Variants in NELL1 observed in about 807,000 individuals in gnomAD.
NELL1 encodes protein kinase C-binding protein NELL1.
In NELL1, 76 loss-of-function variants were observed where a neutral mutation model predicts 107.4. The ratio of observed to expected loss-of-function variants is 0.71; its 90% CI spans 0.59 to 0.86. The LOEUF (loss-of-function observed/expected upper bound fraction) is 0.86. NELL1 is among the 40% of genes least tolerant of loss of function. The pLI, the probability that NELL1 is intolerant of heterozygous loss-of-function variation, is 0.00. For synonymous variants in NELL1, 353 were observed against 341.2 expected (o/e 1.03, Z -0.38); for missense variants, 1,024 against 1,005.5 (o/e 1.02, Z -0.25).
chr11:21,316,236 A>G (rs1267719948), intron 14 of NELL1, among the ~76,000 whole-genome samples: 1 of 152,172 alleles, frequency 6.6e-6, no homozygotes, highest in Admixed American at 6.6e-5. Context: ...AAAATTTATA[A>G]CATGAAAACA....
chr11:21,530,157 T>G (rs2133966300), intron 15 of NELL1, among the ~76,000 whole-genome samples: 1 of 152,226 alleles, frequency 6.6e-6, no homozygotes, highest in African/African-American at 2.4e-5. Flanking sequence ...ATATCAAAGT[T>G]TTTCTCATGA....
In NELL1 at chr11:21,480,016, T is replaced by C. The variant is rs560436946; in HGVS notation, c.1646-54358T>C. Reference sequence around the variant, plus strand: ...CTTTCCCTGACTAGTAGTCTTCTTATCAAGCTCTCTTTCTCTTGCTCAGAA... The same window carrying C: ...CTTTCCCTGACTAGTAGTCTTCTTACCAAGCTCTCTTTCTCTTGCTCAGAA... On this transcript the variant is annotated intron_variant, in intron 15 of 19. Transcript: ENST00000357134. Among the ~76,000 whole-genome samples, 77 of 152,306 alleles carry C rather than the reference T, an allele frequency of 5.1e-4. 2 individuals are homozygous for C. In the South Asian group the frequency reaches 0.015, roughly 29 times the overall value.
intron 12 of NELL1, among the ~76,000 whole-genome samples, chr11:21,054,941 T>C (rs945777453): frequency 4.6e-5 from 7 of 152,066 alleles, no homozygotes; most frequent in Non-Finnish European, 7.4e-5. Context: ...CTTTCCTTGC[T>C]TTTATAATTT....
At chr11:20,823,472 A>G (rs1857805307) in intron 3 of NELL1, among the ~76,000 whole-genome samples, 1 of 151,254 alleles carries the variant, frequency 6.6e-6, no homozygotes, top group Non-Finnish European at 1.5e-5. Context: ...CAGCAGTAGG[A>G]CTGCAGGGAG....
intron 2 of NELL1, among the ~76,000 whole-genome samples, chr11:20,692,527 C>T: frequency 6.6e-6 from 1 of 150,606 alleles, no homozygotes; most frequent in African/African-American, 2.5e-5. Context: ...TTATTTCTGC[C>T]TTCATTTCCT....
At chr11:21,067,890 G>A (rs1045254370) in intron 12 of NELL1, among the ~76,000 whole-genome samples, 7 of 151,628 alleles carry the variant, frequency 4.6e-5, no homozygotes, top group South Asian at 2.1e-4. Context: ...AAAATTAGCC[G>A]GGTGTGGTGG....
At chr11:21,172,630 A>G (rs932862460) in intron 13 of NELL1, among the ~76,000 whole-genome samples, 1 of 151,652 alleles carries the variant, frequency 6.6e-6, no homozygotes, top group Admixed American at 6.6e-5. Flanking sequence ...GCTATTTTTA[A>G]TTATTTTTTT....
chr11:21,545,028 G>A (rs992891734), intron 16 of NELL1, among the ~76,000 whole-genome samples: 1 of 151,806 alleles, frequency 6.6e-6, no homozygotes, highest in Admixed American at 6.6e-5. Context: ...TTAAAATGTG[G>A]TCACTAAAAA....
At chr11:21,315,453 A>ATGGACAGAACTTGGTGAAAGAT (rs1270828301) in intron 14 of NELL1, among the ~76,000 whole-genome samples, 3 of 152,176 alleles carry the variant, frequency 2.0e-5, no homozygotes, top group African/African-American at 7.2e-5. Flanking sequence ...AGGTTAAAGA[A>ATGGACAGAACTTGGTGAAAGAT]TGGACAGAAC....
chr11:21,133,871 G>C (rs774491317), intron 13 of NELL1, among the ~76,000 whole-genome samples: 1 of 152,162 alleles, frequency 6.6e-6, no homozygotes, highest in Non-Finnish European at 1.5e-5. Flanking sequence ...GCACCTGGAG[G>C]GTGGGGCTCC....
chr11:20,767,178 C>T (rs534301535), intron 2 of NELL1, among the ~76,000 whole-genome samples: 6 of 152,280 alleles, frequency 3.9e-5, no homozygotes, highest in East Asian at 3.9e-4. Flanking sequence ...TGCGGACCTT[C>T]GCGGTGAGTG....
At chr11:20,872,248 A>T (rs1169798390) in intron 4 of NELL1, among the ~76,000 whole-genome samples, 1 of 144,754 alleles carries the variant, frequency 6.9e-6, no homozygotes, top group Non-Finnish European at 1.5e-5. Context: ...ATCTGGGCTC[A>T]CTGTAGCCTC....
At chr11:21,236,393 G>T (rs922806941) in intron 14 of NELL1, among the ~76,000 whole-genome samples, 2 of 147,100 alleles carry the variant, frequency 1.4e-5, no homozygotes, top group Non-Finnish European at 3.0e-5. Flanking sequence ...CTTGTAGCTT[G>T]GTGTATTAAT....
rs1564969874 is a variant in NELL1 at position 21,575,438 on chromosome 11, T to C, written c.*416T>C. 1 of 171,280 alleles carries C rather than the reference T, an allele frequency of 5.8e-6. No individual in the cohort carries two copies. The highest frequency in any genetic ancestry group is 1.3e-5 in the Non-Finnish European group (1 of 79,076). The allele number at this position is 171,280 out of a possible 1,614,324, so 10.6% of individuals were successfully genotyped here. A position where few individuals can be genotyped will look rare whatever the true frequency, so the allele number is the denominator to read the frequency against. Reference sequence around the variant, plus strand: ...TTGATTTATGGATCAAATTCTAAAATAAAGTTGCCTGTTGTGACTTTTGTC... The same window carrying C: ...TTGATTTATGGATCAAATTCTAAAACAAAGTTGCCTGTTGTGACTTTTGTC... On this transcript the variant is annotated 3_prime_UTR_variant, in exon 20 of 20. Transcript: ENST00000357134.
chr11:21,269,467 T>C (rs1016136051), intron 14 of NELL1, among the ~76,000 whole-genome samples: 1 of 151,724 alleles, frequency 6.6e-6, no homozygotes, highest in African/African-American at 2.4e-5. Flanking sequence ...AAAAAAATTC[T>C]TACCTAGAAG....
chr11:20,925,595 G>A (rs1036455990), intron 7 of NELL1, among the ~76,000 whole-genome samples: 9 of 152,150 alleles, frequency 5.9e-5, no homozygotes, highest in African/African-American at 1.9e-4. Flanking sequence ...CTAGGCTGGA[G>A]TTTTAAATGA....
intron 13 of NELL1, among the ~76,000 whole-genome samples, chr11:21,121,590 C>A (rs1263668010): frequency 6.6e-6 from 1 of 152,016 alleles, no homozygotes; most frequent in Admixed American, 6.6e-5. Context: ...CATGATAGAG[C>A]CTGATGGAAG....
In NELL1 at chr11:21,229,279, G is replaced by C. The variant is rs1486297290; in HGVS notation, c.1427-53G>C. ...ATTCCAGCTACATTTCCCAATACCA[G>C]TAATTCCAACTTAAGAAAAAGTATT... On this transcript the variant is annotated intron_variant, in intron 13 of 19. Coordinates refer to ENST00000357134, the MANE Select transcript of NELL1 (RefSeq NM_006157.5). 3 of 1,604,530 alleles carry C rather than the reference G, an allele frequency of 1.9e-6. No homozygotes were observed. In the East Asian group the frequency reaches 6.7e-5, roughly 36 times the overall value.
intron 13 of NELL1, among the ~76,000 whole-genome samples, chr11:21,120,967 G>A (rs1201322991): frequency 6.6e-6 from 1 of 152,036 alleles, no homozygotes; most frequent in African/African-American, 2.4e-5. Flanking sequence ...ACCAAAAGCA[G>A]GATTCCAAAA....
Sources: gnomAD v4.1 joint callset for allele counts (sites outside exome capture counted in the v4.1 genomes callset) on GRCh38, gnomAD v4.1.1 for gene constraint, MANE v1.5 for transcripts, NCBI Gene and HGNC (gene_info 2026-07-23, HGNC 2026-07-21) for gene names.